The following NAV3 variants were observed in gnomAD, a reference collection of about 807,000 sequenced individuals.
The protein encoded by NAV3 is pore membrane and/or filament interacting like protein 1.
Under a neutral mutation model 244.7 loss-of-function variants are expected in NAV3, and 87 were observed. The observed-to-expected ratio is 0.36, with a 90% confidence interval of 0.30 to 0.42. The LOEUF is 0.42. NAV3 is among the 20% of genes least tolerant of loss of function. NAV3 has a pLI of 1.00. For missense variants in NAV3, 2,663 were observed against 2,893.3 expected (o/e 0.92, Z 1.83); for synonymous variants, 1,126 against 1,042.2 (o/e 1.08, Z -1.55).
chr12:77,615,572 T>C (rs1871115868), intron 2 of NAV3, among the ~76,000 whole-genome samples: 1 of 152,194 alleles, frequency 6.6e-6, no homozygotes, highest in African/African-American at 2.4e-5. Flanking sequence ...GGTTGCATAG[T>C]ATCCCATTGT....
intron 2 of NAV3, among the ~76,000 whole-genome samples, chr12:77,676,414 G>A (rs992816610): frequency 1.3e-5 from 2 of 152,150 alleles, no homozygotes; most frequent in Non-Finnish European, 2.9e-5. Flanking sequence ...CCTTAGCACT[G>A]CTGGCACAGC....
At chr12:77,644,666 A>G (rs1427311633) in intron 2 of NAV3, among the ~76,000 whole-genome samples, 2 of 152,036 alleles carry the variant, frequency 1.3e-5, no homozygotes, top group Admixed American at 6.6e-5. Flanking sequence ...TCCTGTCTGA[A>G]ATTTACACCA....
intron 2 of NAV3, among the ~76,000 whole-genome samples, chr12:77,578,387 T>A (rs182167400): frequency 6.6e-6 from 1 of 152,270 alleles, no homozygotes; most frequent in East Asian, 1.9e-4. Context: ...CTCACCATTG[T>A]GATGTGTTCA....
chr12:78,119,420 C>T lies in NAV3; in HGVS notation c.3224C>T (p.Ser1075Leu), dbSNP rs2138609387. 2 of 1,614,174 alleles carry T rather than the reference C, an allele frequency of 1.2e-6. No homozygotes were observed. Among genetic ancestry groups the T allele is most frequent in the Non-Finnish European group, 1.7e-6 (2 of 1,180,030 alleles). Residue 1075 changes from serine (S) to leucine (L), a missense_variant, in exon 15 of 40, where the codon TCA becomes TTA. Coordinates refer to ENST00000397909, the MANE Select transcript of NAV3 (RefSeq NM_001024383.2). ...TTTAAGAAACCAAGTGGAGTAGGGT[C>T]ATCTGCCATGATCACCAGCAGTGGA... ...FGFKKPSGVG[S>L]SAMITSSGAT...
intron 2 of NAV3, among the ~76,000 whole-genome samples, chr12:77,818,304 C>T (rs1444833375): frequency 6.6e-6 from 1 of 151,984 alleles, no homozygotes; most frequent in Non-Finnish European, 1.5e-5. Flanking sequence ...AAAGAGTTTG[C>T]AGAAATAAAA....
chr12:77,861,609 A>G (rs1879267794), intron 1 of NAV3, among the ~76,000 whole-genome samples: 1 of 151,856 alleles, frequency 6.6e-6, no homozygotes, highest in Non-Finnish European at 1.5e-5. Context: ...CTGCTACATA[A>G]GCAATAGGAT....
intron 16 of NAV3, among the ~76,000 whole-genome samples, chr12:78,123,197 AACC>A (rs1566168843): frequency 6.6e-6 from 1 of 152,152 alleles, no homozygotes; most frequent in Non-Finnish European, 1.5e-5. Flanking sequence ...AATGTCTTAA[AACC>A]ACTTCTTTTT....
intron 28 of NAV3, among the ~76,000 whole-genome samples, chr12:78,178,841 T>G (rs1441606669): frequency 3.9e-5 from 6 of 152,158 alleles, no homozygotes; most frequent in Non-Finnish European, 8.8e-5. Context: ...CCTGCGAAGC[T>G]GTCCACAAAA....
At chr12:78,090,250 ATT>A (rs61149972) in intron 12 of NAV3, among the ~76,000 whole-genome samples, 11,264 of 148,820 alleles carry the variant, frequency 0.076, 427 homozygotes, top group Admixed American at 0.084. Flanking sequence ...TATATATCAA[ATT>A]TTATATATAT....
intron 5 of NAV3, among the ~76,000 whole-genome samples, chr12:77,984,671 A>G (rs1593195955): frequency 6.6e-6 from 1 of 152,224 alleles, no homozygotes; most frequent in Non-Finnish European, 1.5e-5. Context: ...CTATTAACCA[A>G]TGTATTCGAT....
chr12:77,915,244 G>A (rs1214958457), intron 1 of NAV3, among the ~76,000 whole-genome samples: 2 of 151,906 alleles, frequency 1.3e-5, no homozygotes, highest in Non-Finnish European at 2.9e-5. Context: ...ATACAATAGT[G>A]GACAAATCAC....
At chr12:77,719,386 A>G (rs557656456) in intron 2 of NAV3, among the ~76,000 whole-genome samples, 28 of 151,180 alleles carry the variant, frequency 1.9e-4, no homozygotes, top group African/African-American at 6.3e-4. Context: ...CCTTTTTCTA[A>G]GGCAAATCTT....
At chr12:77,730,520 A>G (rs1203901905) in intron 2 of NAV3, among the ~76,000 whole-genome samples, 2 of 151,988 alleles carry the variant, frequency 1.3e-5, no homozygotes, top group Non-Finnish European at 2.9e-5. Context: ...GTAGTCTAGT[A>G]TTCTAATTTA....
chr12:78,091,675 A>C (rs1283505656), intron 12 of NAV3: 1 of 149,906 alleles, frequency 6.7e-6, no homozygotes, highest in African/African-American at 2.5e-5. Context: ...GGGCGCCTGT[A>C]GTCCCAGCTA....
rs1486952334 is a variant in NAV3 at position 78,118,013 on chromosome 12, AT to A, written c.2770-11del. The A allele has an allele frequency of 6.5e-7, 1 of 1,546,110 alleles. No homozygotes were observed. Among genetic ancestry groups the A allele is most frequent in the African/African-American group, 1.4e-5 (1 of 72,102 alleles). On this transcript the variant is annotated splice_polypyrimidine_tract_variant and intron_variant, in intron 13 of 39. Coordinates refer to ENST00000397909, the MANE Select transcript of NAV3 (RefSeq NM_001024383.2). ...TTTCTACATAAAGTTTTTCTGTAAT[AT>A]TTGTCTTTATAGCTGAGGACAGATT...
Position 77,615,033 on chromosome 12 carries a change from G to A in NAV3, c.72+42767G>A, listed in dbSNP as rs1871094694. Among the ~76,000 whole-genome samples the A allele has an allele frequency of 3.3e-5, 5 of 152,144 alleles. No individual in the cohort carries two copies. The South Asian group carries it at 1.0e-3, about 31-fold the overall frequency. On this transcript the variant is annotated intron_variant, in intron 2 of 8. Coordinates refer to the NAV3 transcript ENST00000550042. ...TAGCTAGGTGATGAAGTATGGCAAG[G>A]ACATCACATGCAGATGTTGCTTTTT...
intron 2 of NAV3, among the ~76,000 whole-genome samples, chr12:77,601,728 C>T (rs771839): frequency 0.31 from 47,695 of 151,782 alleles, 7,636 homozygotes; most frequent in Middle Eastern, 0.41. Flanking sequence ...AAGATTATAC[C>T]TTAGGCTCCT....
chr12:77,925,811 A>G (rs1040852315), intron 1 of NAV3, among the ~76,000 whole-genome samples: 3 of 152,164 alleles, frequency 2.0e-5, no homozygotes, highest in African/African-American at 4.8e-5. Context: ...TGAAACCATC[A>G]AAGTGTCCTT....
At chr12:78,022,741 G>A (rs1877366655) in intron 9 of NAV3, among the ~76,000 whole-genome samples, 1 of 152,038 alleles carries the variant, frequency 6.6e-6, no homozygotes, top group Non-Finnish European at 1.5e-5. Flanking sequence ...CAAATTTGGG[G>A]GTTAAGAAAC....
Sources: gnomAD v4.1 joint callset for allele counts (sites outside exome capture counted in the v4.1 genomes callset) on GRCh38, gnomAD v4.1.1 for gene constraint, MANE v1.5 for transcripts, NCBI Gene and HGNC (gene_info 2026-07-23, HGNC 2026-07-21) for gene names.